The following MYOF variants were observed in gnomAD, a reference collection of about 807,000 sequenced individuals.
MYOF encodes the protein myoferlin, also known as fer-1-like 3, myoferlin.
MYOF carries 244 observed loss-of-function variants against 284.2 expected under a neutral mutation model. The ratio of observed to expected loss-of-function variants is 0.86; its 90% CI spans 0.77 to 0.95. The LOEUF is 0.95. Ranked by LOEUF, MYOF falls within the 40% of genes least tolerant of loss-of-function variation. MYOF has a pLI of 0.00. For synonymous variants in MYOF, 904 were observed against 919.7 expected (o/e 0.98, Z 0.31); for missense variants, 2,496 against 2,560.6 (o/e 0.97, Z 0.54).
intron 2 of MYOF, among the ~76,000 whole-genome samples, chr10:93,455,267 G>A (rs1227893301): frequency 6.7e-6 from 1 of 150,220 alleles, no homozygotes; most frequent in African/African-American, 2.5e-5. Flanking sequence ...CAAGAAGAGC[G>A]AAACTCCATC....
intron 38 of MYOF, among the ~76,000 whole-genome samples, chr10:93,341,449 G>A (rs1348156066): frequency 6.6e-6 from 1 of 151,946 alleles, no homozygotes; most frequent in African/African-American, 2.4e-5. Flanking sequence ...CTAATTTTTT[G>A]TATTTTTAGT....
rs66923086 is a variant in MYOF at position 93,369,110 on chromosome 10, C to CTTTTTTTTTTTTTTTTTTTTTTTT, written c.2589+534_2589+535insAAAAAAAAAAAAAAAAAAAAAAAA. On this transcript the variant is annotated intron_variant, in intron 25 of 53. Coordinates refer to ENST00000359263, the MANE Select transcript of MYOF (RefSeq NM_013451.4). ...TATTGTTTTAGAAGTATTCAGACAGCTTTTTTTTTTTTTTTTTTTTTTGCC... is the reference window on the plus strand; with the variant it reads ...TATTGTTTTAGAAGTATTCAGACAGCTTTTTTTTTTTTTTTTTTTTTTTTTTTTTTTTTTTTTTTTTTTTTTGCC... 3.4e-4 allele frequency among the ~76,000 whole-genome samples: 27 copies of CTTTTTTTTTTTTTTTTTTTTTTTT among 78,314 alleles called. 6 individuals carry two copies. The highest frequency in any genetic ancestry group is 1.7e-3 in the African/African-American group (27 of 15,450). 51.4% of individuals were successfully genotyped at this position (78,314 alleles called of 152,430 possible).
intron 19 of MYOF, among the ~76,000 whole-genome samples, chr10:93,382,596 A>G (rs546546799): frequency 2.0e-5 from 3 of 152,332 alleles, no homozygotes; most frequent in Non-Finnish European, 4.4e-5. Context: ...AGCCTACCAG[A>G]AATGACCATG....
intron 7 of MYOF, among the ~76,000 whole-genome samples, chr10:93,407,737 CAAAA>C (rs34172104): frequency 7.4e-5 from 7 of 95,150 alleles, no homozygotes; most frequent in Non-Finnish European, 8.7e-5. Flanking sequence ...GACTCTGTCT[CAAAA>C]AAAAAAAAAA....
At chr10:93,337,939 T>C (rs773930689) in intron 39 of MYOF, 26 bp from the exon 40 acceptor site, 42 of 1,531,380 alleles carry the variant, frequency 2.7e-5, no homozygotes, top group Non-Finnish European at 3.6e-5. Flanking sequence ...AATGGAAAAA[T>C]CTTTAGTGAT....
At chr10:93,323,663 C>A in intron 46 of MYOF, 1 of 362,350 alleles carries the variant, frequency 2.8e-6, no homozygotes, top group Non-Finnish European at 5.0e-6. Context: ...TAACCCAACC[C>A]CAACATACAC....
At chr10:93,323,039 T>G in intron 48 of MYOF, 39 bp downstream of exon 48, 1 of 1,560,708 alleles carries the variant, frequency 6.4e-7, no homozygotes, top group Non-Finnish European at 8.8e-7. Flanking sequence ...AGAGTCTGTT[T>G]CCCTGAGCTT....
chr10:93,355,176 C>G (rs1760672058), intron 31 of MYOF, among the ~76,000 whole-genome samples: 1 of 152,168 alleles, frequency 6.6e-6, no homozygotes, highest in African/African-American at 2.4e-5. Context: ...TTAAAAACTC[C>G]TTTCATCAAG....
Position 93,442,041 on chromosome 10 carries a change from C to CACACACACACACACACAGAGAG in MYOF, c.236+10008_236+10009insCTCTCTGTGTGTGTGTGTGTGT, listed in dbSNP as rs57700900. ...ACACACACACACACACACACACACA[C>CACACACACACACACACAGAGAG]AGAATAAACCTTGGAAAGTCTGGGC... On this transcript the variant is annotated intron_variant, in intron 3 of 53. Coordinates refer to ENST00000359263, the MANE Select transcript of MYOF (RefSeq NM_013451.4). Among the ~76,000 whole-genome samples the CACACACACACACACACAGAGAG allele has an allele frequency of 9.9e-4, 142 of 142,726 alleles. 2 individuals are homozygous for CACACACACACACACACAGAGAG. The highest frequency in any genetic ancestry group is 2.0e-3 in the East Asian group (10 of 4,892). The allele number at this position is 142,726 out of a possible 152,430, so 93.6% of individuals were successfully genotyped here.
chr10:93,433,980 A>G (rs766408245), intron 3 of MYOF, among the ~76,000 whole-genome samples: 2 of 152,244 alleles, frequency 1.3e-5, no homozygotes, highest in African/African-American at 4.8e-5. Flanking sequence ...GCACAAGACC[A>G]GGAAATTGCT....
In MYOF at chr10:93,402,115, T is replaced by C. The variant is rs554460391; in HGVS notation, c.990+117A>G. ...AACAGCTTCTGAAGAATAGGGGGAATCTGAGGGTATTGACGGGAAGCTGTG... is the reference window on the plus strand; with the variant it reads ...AACAGCTTCTGAAGAATAGGGGGAACCTGAGGGTATTGACGGGAAGCTGTG... On this transcript the variant is annotated intron_variant, in intron 11 of 53. Coordinates refer to ENST00000359263, the MANE Select transcript of MYOF (RefSeq NM_013451.4). 9.5e-4 allele frequency: 703 copies of C among 739,244 alleles called. 5 individuals carry two copies. In the South Asian group the frequency reaches 0.011, roughly 11 times the overall value. 45.8% of individuals were successfully genotyped at this position (739,244 alleles called of 1,614,324 possible).
chr10:93,314,250 G>A (rs1174468664), intron 50 of MYOF, among the ~76,000 whole-genome samples: 1 of 152,098 alleles, frequency 6.6e-6, no homozygotes, highest in African/African-American at 2.4e-5. Context: ...CACAATGCCC[G>A]GCTAATTTTT....
At chr10:93,313,274 G>A in intron 50 of MYOF, 64 bp from the exon 51 acceptor site, 2 of 1,491,732 alleles carry the variant, frequency 1.3e-6, no homozygotes, top group Admixed American at 1.8e-5. Context: ...GTTCACAAGT[G>A]AACAGAACGT....
intron 46 of MYOF, chr10:93,323,707 A>G (rs1446411191): frequency 1.1e-5 from 3 of 261,604 alleles, no homozygotes; most frequent in Non-Finnish European, 2.2e-5. Context: ...GTGCACACAC[A>G]CACACACGCG....
At chr10:93,347,528 C>A in intron 37 of MYOF, 89 bp downstream of exon 37, 1 of 1,204,210 alleles carries the variant, frequency 8.3e-7, no homozygotes, top group Non-Finnish European at 1.1e-6. Flanking sequence ...GTCCGCAGTC[C>A]GGCCTGGGCG....
chr10:93,333,914 C>G lies in MYOF; in HGVS notation c.4564-1G>C. Reference sequence around the variant, plus strand: ...GCAGAGGGTAGATCCGAAAGGAGCCCTAAAAGAGAGAGACAGAAGGACTCA... The same window carrying G: ...GCAGAGGGTAGATCCGAAAGGAGCCGTAAAAGAGAGAGACAGAAGGACTCA... On this transcript the variant is annotated splice_acceptor_variant, in intron 41 of 53. Transcript: ENST00000359263. LOFTEE classifies it high-confidence loss of function. The G allele has an allele frequency of 1.2e-6, 2 of 1,613,566 alleles. No individual in the cohort carries two copies. Among genetic ancestry groups the G allele is most frequent in the Non-Finnish European group, 1.7e-6 (2 of 1,179,792 alleles).
chr10:93,381,516 G>T, intron 19 of MYOF, 120 bp from the exon 20 acceptor site: 2 of 1,031,314 alleles, frequency 1.9e-6, no homozygotes, highest in South Asian at 1.6e-5. Context: ...TGACAGGGGA[G>T]AATGTTCTTG....
rs1420148877 is a variant in MYOF, at chr10:93,481,977, C to T, written c.88+130G>A. 16 of 828,438 alleles carry T rather than the reference C, an allele frequency of 1.9e-5. No homozygotes were observed. In the East Asian group the frequency reaches 3.7e-4, roughly 19 times the overall value. 51.3% of individuals were successfully genotyped at this position (828,438 alleles called of 1,614,324 possible). ...GAAACGGGTCCTCTCCCCTGTCCTG[C>T]GCAGGTAACAAACGCTGCTGGAGAG... On this transcript the variant is annotated intron_variant, in intron 1 of 53. Coordinates refer to ENST00000359263, the MANE Select transcript of MYOF (RefSeq NM_013451.4).
chr10:93,342,319 G>A (rs1443399686), intron 38 of MYOF, among the ~76,000 whole-genome samples: 1 of 150,102 alleles, frequency 6.7e-6, no homozygotes, highest in African/African-American at 2.4e-5. Context: ...CTTGTTATTG[G>A]CTCTTTCAAA....
Sources: gnomAD v4.1 joint callset for allele counts (sites outside exome capture counted in the v4.1 genomes callset) on GRCh38, gnomAD v4.1.1 for gene constraint, MANE v1.5 for transcripts, NCBI Gene and HGNC (gene_info 2026-07-23, HGNC 2026-07-21) for gene names.